The following ERICH6B variants were observed in gnomAD, a reference collection of about 807,000 sequenced individuals.
ERICH6B encodes the protein glutamate-rich protein 6B.
In ERICH6B, 69 loss-of-function variants were observed where a neutral mutation model predicts 80.0. That is an observed-to-expected ratio of 0.86 (90% CI 0.71 to 1.05). The LOEUF is 1.05. Among genes scored for constraint, ERICH6B ranks in the 50% least tolerant of loss-of-function variants. ERICH6B has a pLI of 0.00. For missense variants in ERICH6B, 754 were observed against 796.1 expected (o/e 0.95, Z 0.64); for synonymous variants, 283 against 291.9 (o/e 0.97, Z 0.31).
chr13:45,568,331 A>C lies in ERICH6B; in HGVS notation c.1171T>G (p.Trp391Gly), dbSNP rs1462868613. Residue 391 changes from tryptophan (W) to glycine (G), a missense_variant, in exon 9 of 15, where the codon TGG (tryptophan) becomes GGG (glycine). By Grantham distance (184) the Trp-to-Gly change is radical (BLOSUM62 -2). Transcript: ENST00000298738. ...GTTACTTACATAATTACCAGTTTCC[A>C]TCTGTTTTCACTTTCCAGTAGCTTA... ...LTKLLESENR[W>G]KLVIMLKKNY... 6.5e-7 allele frequency: 1 copy of C among 1,545,018 alleles called. No homozygotes were observed. The highest frequency in any genetic ancestry group is 1.2e-5 in the South Asian group (1 of 82,190).
intron 8 of ERICH6B, among the ~76,000 whole-genome samples, chr13:45,574,470 T>C (rs1875296764): frequency 6.6e-6 from 1 of 152,160 alleles, no homozygotes; most frequent in Admixed American, 6.5e-5. Context: ...CCCTTTTGAA[T>C]TTCCAGGGCT....
intron 2 of ERICH6B, among the ~76,000 whole-genome samples, chr13:45,601,819 T>C (rs532315866): frequency 3.2e-4 from 48 of 152,322 alleles, no homozygotes; most frequent in African/African-American, 1.1e-3. Flanking sequence ...TGATACCCAG[T>C]GTCTGGGGCA....
At position 45,596,793 on chromosome 13, in the gene ERICH6B, T is replaced by A. The variant is rs1403499733; in HGVS notation, c.213A>T (p.Glu71Asp). 1.3e-6 allele frequency: 2 copies of A among 1,551,786 alleles called. No homozygotes were observed. The highest frequency in any genetic ancestry group is 8.7e-7 in the Non-Finnish European group (1 of 1,146,984). Residue 71 changes from glutamate (E) to aspartate (D), a missense_variant, in exon 3 of 15, where the codon GAA (glutamate) becomes GAT (aspartate). By Grantham distance (45) the Glu-to-Asp change is conservative. Coordinates refer to ENST00000298738, the MANE Select transcript of ERICH6B (RefSeq NM_182542.3). ...AGTATTCTTCTTTCCCCAGATACTC[T>A]TCCTCTTCCAGATCCTCTTCCTCCT... Reference protein sequence around the residue: ...YLEEEEDLEEEEYLGKEEYLK... With the variant: ...YLEEEEDLEEDEYLGKEEYLK...
At chr13:45,606,506 T>TAC (rs1949861892) in intron 2 of ERICH6B, among the ~76,000 whole-genome samples, 1 of 24,750 alleles carries the variant, frequency 4.0e-5, no homozygotes, top group African/African-American at 2.6e-4. Flanking sequence ...AGTGTATGTG[T>TAC]ATATATATAT....
At chr13:45,582,171 C>T (rs1331919810) in intron 5 of ERICH6B, among the ~76,000 whole-genome samples, 2 of 152,192 alleles carry the variant, frequency 1.3e-5, no homozygotes, top group South Asian at 2.1e-4. Context: ...GGACACCAGC[C>T]CTTCTGTTGA....
chr13:45,590,279 C>A (rs902123322), intron 4 of ERICH6B, among the ~76,000 whole-genome samples: 4 of 151,786 alleles, frequency 2.6e-5, no homozygotes, highest in East Asian at 1.9e-4. Context: ...TATGCCTGAG[C>A]CTATTCTCTT....
At position 45,610,859 on chromosome 13, in the gene ERICH6B, A is replaced by G. The variant is rs4942424; in HGVS notation, c.-110-3244T>C. On this transcript the variant is annotated intron_variant, in intron 1 of 14. Coordinates refer to ENST00000298738, the MANE Select transcript of ERICH6B (RefSeq NM_182542.3). ...TGTGTGTGTGTGTGTGTGTGTGTGTATATATATATTTATATATAATATACA... is the reference window on the plus strand; with the variant it reads ...TGTGTGTGTGTGTGTGTGTGTGTGTGTATATATATTTATATATAATATACA... Among the ~76,000 whole-genome samples, 322 of 102,130 alleles carry G rather than the reference A, an allele frequency of 3.2e-3. 1 individual carries two copies. Among genetic ancestry groups the G allele is most frequent in the Middle Eastern group, 0.016 (3 of 188 alleles). 67.0% of individuals were successfully genotyped at this position (102,130 alleles called of 152,430 possible). A position where few individuals can be genotyped will look rare whatever the true frequency, so the allele number is the denominator to read the frequency against.
At chr13:45,562,631 G>C (rs2404220) in intron 10 of ERICH6B, among the ~76,000 whole-genome samples, 92,137 of 152,040 alleles carry the variant, frequency 0.61, 30,031 homozygotes, top group African/African-American at 0.84. Flanking sequence ...TGCATCCCAT[G>C]ATTGAGGTCA....
Position 45,544,874 on chromosome 13 carries a change from G to C in ERICH6B, c.1758C>G (p.Ile586Met). 1 of 1,551,750 alleles carries C rather than the reference G, an allele frequency of 6.4e-7. No individual in the cohort carries two copies. The change falls in exon 14 of 15, where the codon ATC (isoleucine) becomes ATG (methionine). Residue 586 changes from isoleucine to methionine, a missense_variant. Coordinates refer to ENST00000298738, the MANE Select transcript of ERICH6B (RefSeq NM_182542.3). Reference sequence around the variant, plus strand: ...GGATGTACTCATTGATTTTCAAGGAGATGGGCTGGACAGGGGGTGCGTGGA... The same window carrying C: ...GGATGTACTCATTGATTTTCAAGGACATGGGCTGGACAGGGGGTGCGTGGA... Reference protein sequence around the residue: ...IHVHAPPVQPISLKINEYIQV... With the variant: ...IHVHAPPVQPMSLKINEYIQV...
chr13:45,574,757 T>C, intron 8 of ERICH6B, 85 bp downstream of exon 8: 2 of 1,060,916 alleles, frequency 1.9e-6, no homozygotes, highest in Non-Finnish European at 1.4e-6. Context: ...ACCCAAGACC[T>C]CAGCCAGCTT....
At chr13:45,575,709 A>G (rs1337088596) in intron 7 of ERICH6B, among the ~76,000 whole-genome samples, 2 of 152,164 alleles carry the variant, frequency 1.3e-5, no homozygotes, top group Non-Finnish European at 2.9e-5. Context: ...TGTCTCCCAG[A>G]GACAGTGAAT....
intron 2 of ERICH6B, among the ~76,000 whole-genome samples, chr13:45,602,504 TG>T (rs1198157215): frequency 6.6e-6 from 1 of 152,192 alleles, no homozygotes; most frequent in Admixed American, 6.5e-5. Context: ...TTTTCAGTCC[TG>T]GGGGAGCCAG....
At chr13:45,577,276 C>CTTTTTTTTTTTTTTTTTTTTTTTTTTTTT (rs34244794) in intron 7 of ERICH6B, among the ~76,000 whole-genome samples, 6 of 86,088 alleles carry the variant, frequency 7.0e-5, no homozygotes, top group African/African-American at 1.4e-4. Flanking sequence ...AAAAACAAAT[C>CTTTTTTTTTTTTTTTTTTTTTTTTTTTTT]TTTTTTTTTT....
intron 5 of ERICH6B, among the ~76,000 whole-genome samples, chr13:45,585,166 T>G (rs1875847417): frequency 6.6e-6 from 1 of 152,188 alleles, no homozygotes; most frequent in African/African-American, 2.4e-5. Flanking sequence ...GCAGTATGGC[T>G]TGGTAGAGAG....
chr13:45,558,588 C>T (rs6561235), intron 11 of ERICH6B, among the ~76,000 whole-genome samples: 41,746 of 152,046 alleles, frequency 0.27, 9,705 homozygotes, highest in African/African-American at 0.63. Flanking sequence ...ATGGCTTTTA[C>T]TACATTGAGG....
chr13:45,544,485 G>A (rs548259472), intron 14 of ERICH6B, among the ~76,000 whole-genome samples: 1 of 152,332 alleles, frequency 6.6e-6, no homozygotes, highest in East Asian at 1.9e-4. Flanking sequence ...GCCTCCCAAA[G>A]CCCTGGGGTT....
chr13:45,607,949 A>G (rs750203646), intron 1 of ERICH6B, among the ~76,000 whole-genome samples: 10 of 152,346 alleles, frequency 6.6e-5, no homozygotes, highest in Non-Finnish European at 1.2e-4. Context: ...TGAGGGAAAC[A>G]GTGATACTTG....
intron 2 of ERICH6B, among the ~76,000 whole-genome samples, chr13:45,602,725 C>T (rs746588113): frequency 2.0e-4 from 30 of 152,200 alleles, no homozygotes; most frequent in Non-Finnish European, 3.7e-4. Context: ...CTTTCATTCT[C>T]ACCCAACCTC....
At chr13:45,568,252 C>T in intron 9 of ERICH6B, 63 bp downstream of exon 9, 1 of 1,454,984 alleles carries the variant, frequency 6.9e-7, no homozygotes, top group Non-Finnish European at 9.1e-7. Flanking sequence ...TACACTTTCC[C>T]TGCTGCCACC....
Sources: gnomAD v4.1 joint callset for allele counts (sites outside exome capture counted in the v4.1 genomes callset) on GRCh38, gnomAD v4.1.1 for gene constraint, MANE v1.5 for transcripts, NCBI Gene and HGNC (gene_info 2026-07-23, HGNC 2026-07-21) for gene names.